The following NFYC variants were observed in gnomAD, a reference collection of about 807,000 sequenced individuals.
NFYC encodes nuclear transcription factor Y subunit gamma, also known as CAAT box DNA-binding protein subunit C.
A neutral mutation model predicts 53.1 loss-of-function variants in NFYC; 25 were observed. That is an observed-to-expected ratio of 0.47 (90% confidence interval 0.34 to 0.66). The LOEUF (loss-of-function observed/expected upper bound fraction) is 0.66, where lower values mean the gene tolerates loss of function less well. Ranked by LOEUF, NFYC falls within the 30% of genes least tolerant of loss-of-function variation. The pLI, the probability that NFYC is intolerant of heterozygous loss-of-function variation, is 0.01. For missense variants in NFYC, 260 were observed against 422.7 expected, an observed-to-expected ratio of 0.62 and a Z score of 3.38; for synonymous variants, 145 against 152.6, an observed-to-expected ratio of 0.95 and a Z score of 0.37.
chr1:40,727,939 T>A lies in NFYC; in HGVS notation c.-8-10897T>A, dbSNP rs557992686. 2.0e-5 allele frequency among the ~76,000 whole-genome samples: 3 copies of A among 152,148 alleles called. No individual in the cohort carries two copies. The South Asian group carries it at 6.2e-4, about 32-fold the overall frequency. The stretch of plus-strand genomic sequence containing the variant: ...CCTGTCTATGGCAGCTGTGTCCTTA[T>A]GAAGTGTTTTTATTTCTGAGACAGA... On this transcript the variant is annotated intron_variant, in intron 1 of 9. Coordinates refer to ENST00000447388, the MANE Select transcript of NFYC (RefSeq NM_014223.5).
intron 5 of NFYC, chr1:40,757,839 C>T (rs1438181187): frequency 1.4e-5 from 7 of 512,234 alleles, no homozygotes; most frequent in South Asian, 2.1e-5. Flanking sequence ...TTTTTAGTTA[C>T]GGTACTTATT....
chr1:40,725,986 C>T (rs1012422151), intron 1 of NFYC, among the ~76,000 whole-genome samples: 3 of 152,176 alleles, frequency 2.0e-5, no homozygotes, highest in African/African-American at 7.2e-5. Context: ...ATCATCTGAA[C>T]TTGCAGCAAG....
chr1:40,769,972 C>T (rs990474049), intron 9 of NFYC, among the ~76,000 whole-genome samples: 8 of 152,220 alleles, frequency 5.3e-5, no homozygotes, highest in South Asian at 2.1e-4. Flanking sequence ...CAAACTTGTG[C>T]CCTCTGCTGC....
At chr1:40,759,408 C>T (rs1259496973) in intron 6 of NFYC, among the ~76,000 whole-genome samples, 1 of 151,880 alleles carries the variant, frequency 6.6e-6, no homozygotes, top group Non-Finnish European at 1.5e-5. Flanking sequence ...TGGTGGCATG[C>T]TCTTATGGCC....
At chr1:40,696,823 C>CT in intron 1 of NFYC, among the ~76,000 whole-genome samples, 1 of 152,202 alleles carries the variant, frequency 6.6e-6, no homozygotes, top group Non-Finnish European at 1.5e-5. Flanking sequence ...TATCTGATGT[C>CT]TTACAGTCTT....
intron 1 of NFYC, among the ~76,000 whole-genome samples, chr1:40,702,699 T>C (rs1011647653): frequency 1.3e-5 from 2 of 152,192 alleles, no homozygotes; most frequent in Non-Finnish European, 2.9e-5. Context: ...TTTTGTTTGT[T>C]TGTTAAACCT....
intron 1 of NFYC, among the ~76,000 whole-genome samples, chr1:40,731,621 A>T (rs762357236): frequency 6.6e-6 from 1 of 151,900 alleles, no homozygotes; most frequent in Non-Finnish European, 1.5e-5. Flanking sequence ...AGTAGCTGGG[A>T]CTACAGGTGT....
chr1:40,731,236 A>G (rs972513252), intron 1 of NFYC, among the ~76,000 whole-genome samples: 2 of 151,960 alleles, frequency 1.3e-5, no homozygotes, highest in South Asian at 2.1e-4. Context: ...GTGCAGTGGC[A>G]TGATCTTGGT....
intron 1 of NFYC, among the ~76,000 whole-genome samples, chr1:40,733,019 C>CCCCCCCCCCT (rs35467973): frequency 9.7e-6 from 1 of 103,192 alleles, no homozygotes; most frequent in African/African-American, 3.8e-5. Flanking sequence ...CCCCCCCCCC[C>CCCCCCCCCCT]TTTTTTTTTT....
intron 1 of NFYC, among the ~76,000 whole-genome samples, chr1:40,708,147 A>G (rs964644974): frequency 1.3e-5 from 2 of 152,076 alleles, no homozygotes; most frequent in African/African-American, 4.8e-5. Flanking sequence ...TAACCTAGCG[A>G]TTATTTAAAG....
chr1:40,702,174 C>T (rs1409873371), intron 1 of NFYC, among the ~76,000 whole-genome samples: 1 of 152,124 alleles, frequency 6.6e-6, no homozygotes, highest in Non-Finnish European at 1.5e-5. Context: ...TTTCAAAAAA[C>T]AAATAATTCA....
chr1:40,744,703 G>A (rs1356419009), intron 2 of NFYC, among the ~76,000 whole-genome samples: 1 of 152,190 alleles, frequency 6.6e-6, no homozygotes, highest in East Asian at 1.9e-4. Context: ...CCCAAAAGTA[G>A]GGGGGAGCAG....
At chr1:40,737,130 A>AAAAAAAAAAAAAAAAAAAC in intron 1 of NFYC, among the ~76,000 whole-genome samples, 1 of 43,540 alleles carries the variant, frequency 2.3e-5, no homozygotes, top group Non-Finnish European at 7.6e-5. Flanking sequence ...TCTGTCTCAA[A>AAAAAAAAAAAAAAAAAAAC]AAAAAAAAAA....
intron 5 of NFYC, chr1:40,757,452 C>CCCAG: frequency 2.2e-6 from 1 of 461,264 alleles, no homozygotes; most frequent in South Asian, 1.6e-5. Context: ...AAGGCAGTAC[C>CCCAG]CCAGCGGAGA....
rs1431051430 is a variant in NFYC at position 40,762,989 on chromosome 1, G to A, written c.663G>A (p.Gln221=). ...AACAGGCCCAGAGTGGCACTGGACA[G>A]ACCATGCAGGTGATGCAGCAGATCA... The part of the protein sequence containing the change: ...QAQQAQSGTG[Q]TMQVMQQIIT... The change falls in exon 7 of 10, where the codon CAG becomes CAA. Residue 221 remains glutamine, a synonymous_variant. Transcript: ENST00000447388. 1.2e-6 allele frequency: 2 copies of A among 1,611,518 alleles called. No homozygotes were observed. Among genetic ancestry groups the A allele is most frequent in the Admixed American group, 3.3e-5 (2 of 59,742 alleles).
At chr1:40,759,837 G>A (rs945681153) in intron 6 of NFYC, among the ~76,000 whole-genome samples, 3 of 152,086 alleles carry the variant, frequency 2.0e-5, no homozygotes, top group Admixed American at 6.5e-5. Flanking sequence ...GTCAGCGTAG[G>A]GGACCATCTA....
intron 1 of NFYC, among the ~76,000 whole-genome samples, chr1:40,716,608 CTT>C (rs1265476595): frequency 1.3e-5 from 2 of 152,010 alleles, no homozygotes; most frequent in African/African-American, 4.8e-5. Flanking sequence ...GAGAGCTGCA[CTT>C]TTATATGATT....
chr1:40,716,202 A>T (rs897898286), intron 1 of NFYC, among the ~76,000 whole-genome samples: 14 of 152,208 alleles, frequency 9.2e-5, no homozygotes, highest in African/African-American at 3.4e-4. Flanking sequence ...GAGACTGATG[A>T]TGTTTATCAA....
intron 2 of NFYC, among the ~76,000 whole-genome samples, chr1:40,747,213 C>T (rs1047925381): frequency 3.4e-4 from 49 of 144,420 alleles, no homozygotes; most frequent in African/African-American, 1.1e-3. Context: ...AAAAAGAAGG[C>T]GCTCATAATG....
Sources: gnomAD v4.1 joint callset for allele counts (sites outside exome capture counted in the v4.1 genomes callset) on GRCh38, gnomAD v4.1.1 for gene constraint, MANE v1.5 for transcripts, NCBI Gene and HGNC (gene_info 2026-07-23, HGNC 2026-07-21) for gene names.